Variants in NEDD4L observed in about 807,000 individuals in gnomAD.
NEDD4L encodes the protein NEDD4 like E3 ubiquitin protein ligase, also known as E3 ubiquitin-protein ligase NEDD4-like.
Under a neutral mutation model 148.9 loss-of-function variants are expected in NEDD4L, and 54 were observed. The observed-to-expected ratio is 0.36, with a 90% CI of 0.29 to 0.45. NEDD4L has a LOEUF of 0.45. Among genes scored for constraint, NEDD4L ranks in the 20% least tolerant of loss-of-function variants. NEDD4L has a pLI of 1.00. For missense variants in NEDD4L, 856 were observed against 1,233.8 expected (o/e 0.69, Z 4.59); for synonymous variants, 433 against 440.7 (o/e 0.98, Z 0.22).
intron 5 of NEDD4L, among the ~76,000 whole-genome samples, chr18:58,276,212 T>TGGGGG (rs58442069): frequency 3.3e-4 from 34 of 103,444 alleles, no homozygotes; most frequent in African/African-American, 1.0e-3. Context: ...TTTTTTTTTT[T>TGGGGG]GGGTGGGGAG....
At chr18:58,104,983 A>G (rs540123910) in intron 1 of NEDD4L, among the ~76,000 whole-genome samples, 3 of 152,246 alleles carry the variant, frequency 2.0e-5, no homozygotes, top group South Asian at 4.1e-4. Context: ...AAGCAGAGGA[A>G]GTTAGAGGTG....
intron 16 of NEDD4L, among the ~76,000 whole-genome samples, chr18:58,348,743 A>G (rs2043459708): frequency 1.3e-5 from 2 of 151,326 alleles, no homozygotes; most frequent in African/African-American, 4.9e-5. Flanking sequence ...CATGTGCCCA[A>G]CCTCCTACCA....
At chr18:58,275,477 A>G (rs1475254872) in intron 5 of NEDD4L, among the ~76,000 whole-genome samples, 1 of 152,206 alleles carries the variant, frequency 6.6e-6, no homozygotes, top group Non-Finnish European at 1.5e-5. Flanking sequence ...TAGACCAAAA[A>G]AGAAAACTTG....
intron 2 of NEDD4L, among the ~76,000 whole-genome samples, chr18:58,181,321 T>G (rs550219508): frequency 4.6e-5 from 7 of 152,250 alleles, no homozygotes; most frequent in Non-Finnish European, 1.0e-4. Flanking sequence ...AGTACTGTAT[T>G]CATTTCATAT....
At chr18:58,357,668 T>C (rs569988434) in intron 19 of NEDD4L, among the ~76,000 whole-genome samples, 160 of 152,260 alleles carry the variant, frequency 1.1e-3, no homozygotes, top group African/African-American at 3.7e-3. Context: ...CAAAAATCTG[T>C]AGAAGTTTGG....
rs144384654 is a variant in NEDD4L at position 58,330,697 on chromosome 18, CTTCT to C, written c.814-36_814-33del. On this transcript the variant is annotated intron_variant, in intron 10 of 30. Transcript: ENST00000400345. Reference sequence around the variant, plus strand: ...CATTGGGGAGCTGGGTGGATCCCTACTTCTTTCTAGTGTTTACCCCAGTGTCTCC... The same window carrying C: ...CATTGGGGAGCTGGGTGGATCCCTACTTCTAGTGTTTACCCCAGTGTCTCC... 0.31 allele frequency: 446,883 copies of C among 1,458,566 alleles called. 69,977 individuals carry two copies. Among genetic ancestry groups the C allele is most frequent in the Middle Eastern group, 0.46 (2,470 of 5,382 alleles). The allele number at this position is 1,458,566 out of a possible 1,614,324, so 90.4% of individuals were successfully genotyped here.
intron 24 of NEDD4L, among the ~76,000 whole-genome samples, chr18:58,380,312 A>ATTTT: frequency 6.8e-6 from 1 of 146,910 alleles, no homozygotes; most frequent in South Asian, 2.2e-4. Context: ...TTATTTATTT[A>ATTTT]TTTATTTATT....
intron 1 of NEDD4L, among the ~76,000 whole-genome samples, chr18:58,103,241 A>G (rs1285711561): frequency 7.0e-6 from 1 of 143,520 alleles, no homozygotes; most frequent in African/African-American, 2.7e-5. Flanking sequence ...TTACATATAC[A>G]TATTATATAT....
rs748674898 is a variant in NEDD4L, at chr18:58,396,282, T to A, written c.*13T>A. 1.9e-6 allele frequency: 3 copies of A among 1,567,022 alleles called. No individual in the cohort carries two copies. The highest frequency in any genetic ancestry group is 2.6e-6 in the Non-Finnish European group (3 of 1,139,804). ...AGGGGTGGATTAAGCACCCTGTGCC[T>A]CGGGGGTGGTTGTTCTTCAAGCAAG... On this transcript the variant is annotated 3_prime_UTR_variant, in exon 31 of 31. Transcript: ENST00000400345.
intron 9 of NEDD4L, among the ~76,000 whole-genome samples, chr18:58,326,107 C>T (rs1329400698): frequency 1.3e-5 from 2 of 152,162 alleles, no homozygotes; most frequent in Admixed American, 1.3e-4. Flanking sequence ...TATGAGGTAT[C>T]ATGTTCTTAA....
intron 2 of NEDD4L, among the ~76,000 whole-genome samples, chr18:58,200,572 G>A (rs765549846): frequency 1.8e-4 from 27 of 152,182 alleles, no homozygotes; most frequent in Non-Finnish European, 3.1e-4. Flanking sequence ...AGATAACGTG[G>A]ATATGTTATG....
chr18:58,296,112 CCT>C (rs1027765877), intron 5 of NEDD4L, among the ~76,000 whole-genome samples: 2 of 152,162 alleles, frequency 1.3e-5, no homozygotes, highest in African/African-American at 2.4e-5. Context: ...CCGACAGTCT[CCT>C]CATCTCTCTT....
intron 5 of NEDD4L, among the ~76,000 whole-genome samples, chr18:58,302,443 A>G (rs959307291): frequency 6.6e-6 from 1 of 152,188 alleles, no homozygotes; most frequent in African/African-American, 2.4e-5. Context: ...TCCTCACAGA[A>G]TAGAACAGGG....
At chr18:58,322,361 C>G (rs1044974145) in intron 6 of NEDD4L, 64 bp from the exon 7 acceptor site, 1 of 1,095,358 alleles carries the variant, frequency 9.1e-7, no homozygotes, top group African/African-American at 1.6e-5. Context: ...AATCCAGTTG[C>G]CTGTATCTAA....
chr18:58,256,199 G>C lies in NEDD4L; in HGVS notation c.297+4145G>C, dbSNP rs1295575263. 15 of 1,218,664 alleles carry C rather than the reference G, an allele frequency of 1.2e-5. No homozygotes were observed. Among genetic ancestry groups the C allele is most frequent in the Non-Finnish European group, 1.4e-5 (14 of 979,772 alleles). The allele number at this position is 1,218,664 out of a possible 1,614,324, so 75.5% of individuals were successfully genotyped here. A position where few individuals can be genotyped will look rare whatever the true frequency, so the allele number is the denominator to read the frequency against. ...CCCCGTGGACTGCGCGGAGGAGGCT[G>C]CCCCGGGCCTGCGCATCCAGCACCG... On this transcript the variant is annotated intron_variant, in intron 5 of 30. Coordinates refer to ENST00000400345, the MANE Select transcript of NEDD4L (RefSeq NM_001144967.3). The surrounding 1 kb of genome is among the most constrained non-coding windows in gnomAD (Gnocchi z 5.2).
At chr18:58,207,516 A>G (rs775336528) in intron 2 of NEDD4L, among the ~76,000 whole-genome samples, 3 of 152,198 alleles carry the variant, frequency 2.0e-5, no homozygotes, top group East Asian at 1.9e-4. Flanking sequence ...ACAGGAATAT[A>G]TGAAGGTACT....
chr18:58,299,451 C>T (rs181808146), intron 5 of NEDD4L, among the ~76,000 whole-genome samples: 12 of 152,294 alleles, frequency 7.9e-5, no homozygotes, highest in Admixed American at 1.3e-4. Context: ...GACAGATTGA[C>T]GCCTGAAAAG....
chr18:58,353,676 C>T (rs2044214773), intron 18 of NEDD4L, among the ~76,000 whole-genome samples: 1 of 152,240 alleles, frequency 6.6e-6, no homozygotes, highest in South Asian at 2.1e-4. Flanking sequence ...CTGACACATA[C>T]ATTCCAAATG....
chr18:58,045,394 G>T (rs965007784), intron 1 of NEDD4L: 1 of 374,528 alleles, frequency 2.7e-6, no homozygotes, highest in Admixed American at 4.6e-5. Context: ...AGGATTCAAA[G>T]CCCGGCACCT....
Sources: allele counts gnomAD v4.1 joint callset (sites outside exome capture counted in the v4.1 genomes callset), GRCh38; gene constraint gnomAD v4.1.1; non-coding constraint Gnocchi (gnomAD v3.1); transcripts MANE v1.5; gene names NCBI Gene and HGNC (gene_info 2026-07-23, HGNC 2026-07-21).